ZNF566: variants seen among roughly 807,000 people sequenced by gnomAD.
The protein encoded by ZNF566 is zinc finger protein 566.
Under a neutral mutation model 32.8 loss-of-function variants are expected in ZNF566, and 27 were observed. That is an observed-to-expected ratio of 0.82 (90% CI 0.61 to 1.14). The LOEUF is 1.14. Among genes scored for constraint, ZNF566 ranks in the 50% most tolerant of loss-of-function variants. The probability of loss-of-function intolerance (pLI) is 0.00; values close to 1 mark genes in which losing one functional copy is unlikely to be tolerated. For synonymous variants in ZNF566, 154 were observed against 159.5 expected (o/e 0.97, Z 0.26); for missense variants, 402 against 490.4 (o/e 0.82, Z 1.70).
intron 2 of ZNF566, among the ~76,000 whole-genome samples, chr19:36,473,938 T>C (rs904832635): frequency 9.9e-5 from 15 of 152,178 alleles, no homozygotes; most frequent in Admixed American, 1.3e-4. Context: ...AATGGAATTC[T>C]CAAGAACACC....
intron 4 of ZNF566, among the ~76,000 whole-genome samples, chr19:36,453,306 C>T (rs899541892): frequency 6.6e-6 from 1 of 151,436 alleles, no homozygotes; most frequent in Non-Finnish European, 1.5e-5. Flanking sequence ...AACCCTGTCT[C>T]TACTAAAAAT....
intron 4 of ZNF566, among the ~76,000 whole-genome samples, chr19:36,453,785 A>C (rs2033230014): frequency 6.6e-6 from 1 of 151,940 alleles, no homozygotes; most frequent in Non-Finnish European, 1.5e-5. Context: ...CTCCTACCTC[A>C]ACCTCCTGAG....
At chr19:36,455,512 C>T (rs570727916) in intron 4 of ZNF566, among the ~76,000 whole-genome samples, 2 of 151,382 alleles carry the variant, frequency 1.3e-5, no homozygotes, top group African/African-American at 4.8e-5. Context: ...GAGGCCGAGG[C>T]GGGCAGATTA....
At chr19:36,456,226 T>C (rs1417532035) in intron 4 of ZNF566, among the ~76,000 whole-genome samples, 1 of 150,656 alleles carries the variant, frequency 6.6e-6, no homozygotes, top group Non-Finnish European at 1.5e-5. Flanking sequence ...TGGAAAACTA[T>C]AAAACACTGA....
At chr19:36,453,128 CA>C (rs1252325064) in intron 4 of ZNF566, among the ~76,000 whole-genome samples, 1 of 140,248 alleles carries the variant, frequency 7.1e-6, no homozygotes, top group Non-Finnish European at 1.6e-5. Flanking sequence ...AAAAAAAAAA[CA>C]AAAAAACAAA....
chr19:36,454,436 C>T (rs1333966174), intron 4 of ZNF566, among the ~76,000 whole-genome samples: 1 of 151,974 alleles, frequency 6.6e-6, no homozygotes, highest in East Asian at 1.9e-4. Flanking sequence ...GACTATAGCC[C>T]CAGTAACTTG....
At chr19:36,478,389 GCCCTCCTTTCTGGTCTCT>G (rs896538972) in intron 1 of ZNF566, among the ~76,000 whole-genome samples, 16 of 152,136 alleles carry the variant, frequency 1.1e-4, no homozygotes, top group Admixed American at 1.0e-3. Context: ...CTCATTTTAA[GCCCTCCTTTCTGGTCTCT>G]CCTCCTGGCC....
chr19:36,476,909 TACTTTACATATCTTGGA>T (rs1031107574), intron 1 of ZNF566, among the ~76,000 whole-genome samples: 4 of 152,246 alleles, frequency 2.6e-5, no homozygotes, highest in Non-Finnish European at 4.4e-5. Context: ...TTGCTATTTT[TACTTTACATATCTTGGA>T]ATGAAGTCCC....
chr19:36,472,682 G>A (rs1451700946), intron 4 of ZNF566, among the ~76,000 whole-genome samples: 4 of 152,308 alleles, frequency 2.6e-5, no homozygotes, highest in Admixed American at 1.3e-4. Context: ...TAGAAAGGGT[G>A]GAGGAGGGCA....
chr19:36,472,622 A>G (rs2033792583), intron 4 of ZNF566, among the ~76,000 whole-genome samples: 1 of 152,236 alleles, frequency 6.6e-6, no homozygotes. Flanking sequence ...AAGGAGGATG[A>G]GAAGCTAGGA....
chr19:36,469,968 A>G (rs1162395748), intron 4 of ZNF566, among the ~76,000 whole-genome samples: 2 of 152,180 alleles, frequency 1.3e-5, no homozygotes, highest in Non-Finnish European at 2.9e-5. Flanking sequence ...AGAAACTATT[A>G]CATACCTATC....
intron 1 of ZNF566, among the ~76,000 whole-genome samples, chr19:36,487,523 T>C (rs1345484206): frequency 4.6e-5 from 7 of 152,120 alleles, no homozygotes; most frequent in Non-Finnish European, 1.0e-4. Flanking sequence ...CTGAACAACA[T>C]GAATGAATTT....
chr19:36,467,790 C>CAAAAAAAAAAAA lies in ZNF566; in HGVS notation c.232+5109_232+5120dup, dbSNP rs560803094. Among the ~76,000 whole-genome samples the CAAAAAAAAAAAA allele has an allele frequency of 3.5e-3, 302 of 85,894 alleles. 3 individuals carry two copies. Among genetic ancestry groups the CAAAAAAAAAAAA allele is most frequent in the Non-Finnish European group, 4.8e-3 (224 of 46,864 alleles). The allele number at this position is 85,894 out of a possible 152,430, so 56.3% of individuals were successfully genotyped here. On this transcript the variant is annotated intron_variant, in intron 4 of 4. Coordinates refer to ENST00000452939, the MANE Select transcript of ZNF566 (RefSeq NM_001145344.1). ...TGGGTGACAGAGCGAGACTCCATCT[C>CAAAAAAAAAAAA]AAAAAAAAAAAAAAAAAAAAAAAAA...
chr19:36,452,524 G>A (rs1468471610), intron 4 of ZNF566, among the ~76,000 whole-genome samples: 1 of 149,438 alleles, frequency 6.7e-6, no homozygotes, highest in African/African-American at 2.5e-5. Context: ...GAATTAAGTA[G>A]GGAAGATAGT....
At chr19:36,475,456 T>A (rs578169626) in intron 2 of ZNF566, among the ~76,000 whole-genome samples, 1 of 152,276 alleles carries the variant, frequency 6.6e-6, no homozygotes, top group Admixed American at 6.5e-5. Flanking sequence ...GTACTAGGAC[T>A]GAAATCAAAC....
chr19:36,488,255 T>TTATG (rs2034220424), intron 1 of ZNF566, among the ~76,000 whole-genome samples: 2 of 152,012 alleles, frequency 1.3e-5, no homozygotes, highest in Non-Finnish European at 1.5e-5. Context: ...GGCTAATTTT[T>TTATG]TATGTATGTA....
intron 1 of ZNF566, among the ~76,000 whole-genome samples, chr19:36,481,977 G>C (rs991778714): frequency 2.6e-5 from 4 of 152,168 alleles, no homozygotes; most frequent in Non-Finnish European, 4.4e-5. Context: ...CCTAGAGAAT[G>C]CTATCTTTAA....
chr19:36,466,112 G>A (rs995717320), intron 4 of ZNF566, among the ~76,000 whole-genome samples: 1 of 151,914 alleles, frequency 6.6e-6, no homozygotes, highest in Non-Finnish European at 1.5e-5. Flanking sequence ...AAGGCATAAG[G>A]GGAATAAAGG....
At position 36,478,317 on chromosome 19, in the gene ZNF566, G is replaced by C. The variant is rs542945413; in HGVS notation, c.-59-1701C>G. ...TATATAATAGCCAGGCATTGTGCTA[G>C]ATACTAAAGAGTCAAAAATAATCCA... On this transcript the variant is annotated intron_variant, in intron 1 of 4. Transcript: ENST00000452939. Among the ~76,000 whole-genome samples the C allele has an allele frequency of 5.9e-5, 9 of 152,258 alleles. No individual in the cohort carries two copies. The East Asian group carries it at 1.7e-3, about 29-fold the overall frequency.
Sources: allele counts gnomAD v4.1 joint callset (sites outside exome capture counted in the v4.1 genomes callset), GRCh38; gene constraint gnomAD v4.1.1; transcripts MANE v1.5; gene names NCBI Gene and HGNC (gene_info 2026-07-23, HGNC 2026-07-21).